CNTNAP2: variants seen among roughly 807,000 people sequenced by gnomAD.
CNTNAP2 encodes contactin associated protein 2.
CNTNAP2 carries 98 observed loss-of-function variants against 155.2 expected under a neutral mutation model. That is an observed-to-expected ratio of 0.63 (90% CI 0.54 to 0.75). CNTNAP2 has a LOEUF of 0.75. Ranked by LOEUF, CNTNAP2 falls within the 30% of genes least tolerant of loss-of-function variation. The probability of loss-of-function intolerance (pLI) is 0.00; values close to 1 mark genes in which losing one functional copy is unlikely to be tolerated. For missense variants in CNTNAP2, 1,727 were observed against 1,688.1 expected, an observed-to-expected ratio of 1.02 and a Z score of -0.40; for synonymous variants, 651 against 631.2, an observed-to-expected ratio of 1.03 and a Z score of -0.47.
In CNTNAP2 at chr7:147,484,611, TA is replaced by T. The variant is rs1237998666; in HGVS notation, c.1671-1319del. On this transcript the variant is annotated intron_variant, in intron 10 of 23. Coordinates refer to ENST00000361727, the MANE Select transcript of CNTNAP2 (RefSeq NM_014141.6). ...TGTTTGTTTCAGGAGTAAAAGTTTGTAAAAAGTTGTGGAAGAACAGCAAGCT... is the reference window on the plus strand; with the variant it reads ...TGTTTGTTTCAGGAGTAAAAGTTTGTAAAAGTTGTGGAAGAACAGCAAGCT... 2.0e-5 allele frequency among the ~76,000 whole-genome samples: 3 copies of T among 152,350 alleles called. No homozygotes were observed. In the East Asian group the frequency reaches 5.8e-4, roughly 29 times the overall value.
chr7:147,459,934 T>C (rs1170302620), intron 10 of CNTNAP2, among the ~76,000 whole-genome samples: 1 of 150,972 alleles, frequency 6.6e-6, no homozygotes, highest in Non-Finnish European at 1.5e-5. Context: ...TAAGTGGGAG[T>C]TGAACGATGA....
chr7:146,302,074 T>G lies in CNTNAP2; in HGVS notation c.97+185101T>G, dbSNP rs139748292. On this transcript the variant is annotated intron_variant, in intron 1 of 23. Transcript: ENST00000361727. ...TTATCCTGAGTAGTTTGTCAGTGGT[T>G]GTAGTGGATAATTTTTAGTGTACAG... Among the ~76,000 whole-genome samples the G allele has an allele frequency of 7.6e-4, 116 of 152,310 alleles. 1 individual carries two copies. The East Asian group carries it at 0.017, about 22-fold the overall frequency.
intron 8 of CNTNAP2, among the ~76,000 whole-genome samples, chr7:147,138,184 C>T (rs1801526436): frequency 6.6e-6 from 1 of 151,794 alleles, no homozygotes; most frequent in Admixed American, 6.6e-5. Context: ...AAACATGGCT[C>T]TGTATTCTTA....
At chr7:147,058,357 T>C (rs1031394060) in intron 4 of CNTNAP2, among the ~76,000 whole-genome samples, 16 of 152,214 alleles carry the variant, frequency 1.1e-4, no homozygotes, top group African/African-American at 3.9e-4. Context: ...TTCTCTAATA[T>C]TCTATTATAG....
At chr7:146,340,046 G>A (rs1345975646) in intron 1 of CNTNAP2, among the ~76,000 whole-genome samples, 1 of 151,582 alleles carries the variant, frequency 6.6e-6, no homozygotes, top group Non-Finnish European at 1.5e-5. Flanking sequence ...GTGGGTGCCT[G>A]TAATCCCAGC....
chr7:148,144,039 T>C (rs1267521065), intron 16 of CNTNAP2, among the ~76,000 whole-genome samples: 1 of 152,086 alleles, frequency 6.6e-6, no homozygotes, highest in Non-Finnish European at 1.5e-5. Context: ...AACACAGAGA[T>C]TCCAGGGCAA....
intron 15 of CNTNAP2, among the ~76,000 whole-genome samples, chr7:148,016,532 T>G (rs1366763770): frequency 6.6e-6 from 1 of 152,138 alleles, no homozygotes; most frequent in East Asian, 1.9e-4. Context: ...GAGGCAGAGG[T>G]GGAGACGTGA....
chr7:146,142,203 A>G (rs1005565276), intron 1 of CNTNAP2, among the ~76,000 whole-genome samples: 1 of 152,204 alleles, frequency 6.6e-6, no homozygotes, highest in Non-Finnish European at 1.5e-5. Context: ...GAATTAGAAA[A>G]AGTTGCCCTT....
At chr7:147,406,396 A>G (rs1337054307) in intron 10 of CNTNAP2, among the ~76,000 whole-genome samples, 1 of 152,224 alleles carries the variant, frequency 6.6e-6, no homozygotes, top group Non-Finnish European at 1.5e-5. Context: ...TGAAAAGAAG[A>G]GGAGTCATAG....
intron 1 of CNTNAP2, among the ~76,000 whole-genome samples, chr7:146,245,400 G>T (rs1483772805): frequency 1.3e-5 from 2 of 152,188 alleles, no homozygotes; most frequent in Non-Finnish European, 2.9e-5. Context: ...TATGAGAAAT[G>T]TAGAGAGTAA....
chr7:147,428,403 C>CCT (rs1205331986), intron 10 of CNTNAP2, among the ~76,000 whole-genome samples: 4 of 151,786 alleles, frequency 2.6e-5, no homozygotes, highest in African/African-American at 9.7e-5. Flanking sequence ...AGATGAAGGC[C>CCT]CTCTCTCACA....
At chr7:147,058,638 G>A (rs1320523679) in intron 4 of CNTNAP2, among the ~76,000 whole-genome samples, 6 of 135,038 alleles carry the variant, frequency 4.4e-5, no homozygotes, top group Non-Finnish European at 8.8e-5. Context: ...ATGGAGTCTC[G>A]CTCTGTCATC....
At chr7:147,347,957 G>A (rs1271882729) in intron 9 of CNTNAP2, among the ~76,000 whole-genome samples, 1 of 152,030 alleles carries the variant, frequency 6.6e-6, no homozygotes, top group Non-Finnish European at 1.5e-5. Flanking sequence ...AATAAATGGT[G>A]TTGGGAAAAC....
At chr7:146,800,517 A>G (rs1022982867) in intron 2 of CNTNAP2, among the ~76,000 whole-genome samples, 3 of 152,190 alleles carry the variant, frequency 2.0e-5, no homozygotes, top group African/African-American at 2.4e-5. Flanking sequence ...CTGCAAGGGA[A>G]GCTGAGAAAA....
chr7:146,667,060 C>T (rs191013658), intron 1 of CNTNAP2, among the ~76,000 whole-genome samples: 121 of 152,130 alleles, frequency 8.0e-4, no homozygotes, highest in African/African-American at 2.7e-3. Context: ...AAAATATTTT[C>T]CAGACCAGTG....
At position 147,787,737 on chromosome 7, in the gene CNTNAP2, C is replaced by T. The variant is rs189370207; in HGVS notation, c.2099-115828C>T. The stretch of plus-strand genomic sequence containing the variant: ...AACATCTCATTAGTAAGACTTTTTT[C>T]ATTTTATAATAATTAATTAGGCAGC... On this transcript the variant is annotated intron_variant, in intron 13 of 23. Coordinates refer to ENST00000361727, the MANE Select transcript of CNTNAP2 (RefSeq NM_014141.6). 2.3e-3 allele frequency among the ~76,000 whole-genome samples: 346 copies of T among 152,230 alleles called. 2 individuals are homozygous for T. Among genetic ancestry groups the T allele is most frequent in the Admixed American group, 6.3e-3 (97 of 15,282 alleles).
At chr7:147,408,569 G>T (rs570981474) in intron 10 of CNTNAP2, among the ~76,000 whole-genome samples, 46 of 152,276 alleles carry the variant, frequency 3.0e-4, no homozygotes, top group Non-Finnish European at 5.0e-4. Flanking sequence ...GACCATCCTG[G>T]CTAACACGGT....
intron 4 of CNTNAP2, among the ~76,000 whole-genome samples, chr7:147,101,569 G>C (rs534248739): frequency 1.3e-5 from 2 of 152,294 alleles, no homozygotes; most frequent in African/African-American, 4.8e-5. Flanking sequence ...CATTCAGAAA[G>C]AATCAGGTCA....
chr7:147,197,223 A>T (rs1272901824), intron 8 of CNTNAP2, among the ~76,000 whole-genome samples: 4 of 152,076 alleles, frequency 2.6e-5, no homozygotes, highest in Admixed American at 2.6e-4. Context: ...ACAGGCCACT[A>T]CTTCATTTAC....
Sources: allele counts gnomAD v4.1 joint callset (sites outside exome capture counted in the v4.1 genomes callset), GRCh38; gene constraint gnomAD v4.1.1; transcripts MANE v1.5; gene names NCBI Gene and HGNC (gene_info 2026-07-23, HGNC 2026-07-21).